Variants in TNFAIP8L3 observed in about 807,000 individuals in gnomAD.
The protein encoded by TNFAIP8L3 is tumor necrosis factor alpha-induced protein 8-like protein 3.
In TNFAIP8L3, 7 loss-of-function variants were observed where a neutral mutation model predicts 11.8. That is an observed-to-expected ratio of 0.59 (90% confidence interval 0.34 to 1.11). The LOEUF is 1.11. Among genes scored for constraint, TNFAIP8L3 ranks in the 50% most tolerant of loss-of-function variants. The pLI, the probability that TNFAIP8L3 is intolerant of heterozygous loss-of-function variation, is 0.03. For synonymous variants in TNFAIP8L3, 98 were observed against 103.8 expected, an observed-to-expected ratio of 0.94 and a Z score of 0.34; for missense variants, 219 against 258.6, an observed-to-expected ratio of 0.85 and a Z score of 1.05.
upstream of TNFAIP8L3, among the ~76,000 whole-genome samples, chr15:51,097,019 G>T (rs1474620493): frequency 6.6e-6 from 1 of 151,936 alleles, no homozygotes; most frequent in Non-Finnish European, 1.5e-5. Flanking sequence ...TCAGTTATAA[G>T]GTAAAACAAC....
rs371806523 is a variant in TNFAIP8L3 at position 51,058,241 on chromosome 15, C to T, written c.255G>A (p.Ala85=). The T allele has an allele frequency of 6.3e-5, 102 of 1,614,074 alleles. No homozygotes were observed. Among genetic ancestry groups the T allele is most frequent in the African/African-American group, 2.9e-4 (22 of 74,916 alleles). The change falls in exon 2 of 2, where the codon GCG becomes GCA. Residue 85 remains alanine (A), a synonymous_variant. Coordinates refer to ENST00000637513, the MANE Select transcript of TNFAIP8L3 (RefSeq NM_001311175.2). ...HKIMKDLIKV[A]IKIGILYRNN... ...TCCGGTAGAGGATCCCGATTTTGAT[C>T]GCCACCTTGATTAAGTCTTTCATGA...
At chr15:51,070,664 A>C (rs2065301656) in intron 1 of TNFAIP8L3, among the ~76,000 whole-genome samples, 1 of 152,208 alleles carries the variant, frequency 6.6e-6, no homozygotes, top group South Asian at 2.1e-4. Flanking sequence ...GCTGCGATGC[A>C]TGGGGTGACA....
At chr15:51,082,421 G>A (rs1363541445) in intron 1 of TNFAIP8L3, among the ~76,000 whole-genome samples, 1 of 152,194 alleles carries the variant, frequency 6.6e-6, no homozygotes, top group Non-Finnish European at 1.5e-5. Context: ...TTGCAGGACT[G>A]GAAGTTGTTC....
Position 51,104,497 on chromosome 15 carries a change from C to T in TNFAIP8L3, c.172+508G>A, listed in dbSNP as rs140011118. On this transcript the variant is annotated intron_variant, in intron 1 of 2. Coordinates refer to the TNFAIP8L3 transcript ENST00000327536. ...CATACCCAGCCATGTCCTGCATCTGCGCCATGTCAGTCTGTTTCTGCTCTC... is the reference window on the plus strand; with the variant it reads ...CATACCCAGCCATGTCCTGCATCTGTGCCATGTCAGTCTGTTTCTGCTCTC... Among the ~76,000 whole-genome samples, 802 of 152,322 alleles carry T rather than the reference C, an allele frequency of 5.3e-3. 7 individuals carry two copies. Among genetic ancestry groups the T allele is most frequent in the African/African-American group, 0.019 (774 of 41,570 alleles).
Position 51,058,322 on chromosome 15 carries a change from A to G in TNFAIP8L3, c.174T>C (p.Asp58=). 6.2e-7 allele frequency: 1 copy of G among 1,614,166 alleles called. No homozygotes were observed. The highest frequency in any genetic ancestry group is 8.5e-7 in the Non-Finnish European group (1 of 1,180,022). The change falls in exon 2 of 2, where the codon GAT becomes GAC. Residue 58 remains aspartate (D), a synonymous_variant. Coordinates refer to ENST00000637513, the MANE Select transcript of TNFAIP8L3 (RefSeq NM_001311175.2). ...GCTCTTTGGTGACTTTGTAGAGCTC[A>G]TCAAAGATCTCGCTGCTGGTGTCAT... ...LIDDTSSEIF[D]ELYKVTKEHT...
At chr15:51,062,240 C>T (rs1206671982) in intron 1 of TNFAIP8L3, among the ~76,000 whole-genome samples, 1 of 151,808 alleles carries the variant, frequency 6.6e-6, no homozygotes, top group Non-Finnish European at 1.5e-5. Context: ...TGCCACTGCA[C>T]TCCAGCCTGT....
intron 1 of TNFAIP8L3, among the ~76,000 whole-genome samples, chr15:51,078,444 C>G (rs549622766): frequency 6.6e-6 from 1 of 152,156 alleles, no homozygotes; most frequent in East Asian, 1.9e-4. Context: ...CCTAACCCCA[C>G]CTCTTCTGGC....
chr15:51,083,839 A>AG (rs912618439), intron 1 of TNFAIP8L3, among the ~76,000 whole-genome samples: 3 of 152,166 alleles, frequency 2.0e-5, no homozygotes, highest in Admixed American at 6.5e-5. Flanking sequence ...GGAGCCAGTG[A>AG]GGGGGGCCAC....
At chr15:51,070,635 C>T (rs998847497) in intron 1 of TNFAIP8L3, among the ~76,000 whole-genome samples, 2 of 152,180 alleles carry the variant, frequency 1.3e-5, no homozygotes, top group Admixed American at 1.3e-4. Context: ...GAGTTCAGTG[C>T]TTCAGCCTGC....
chr15:51,081,797 G>A (rs1464208658), intron 1 of TNFAIP8L3, among the ~76,000 whole-genome samples: 4 of 152,200 alleles, frequency 2.6e-5, no homozygotes, highest in Non-Finnish European at 5.9e-5. Context: ...GTTGGTAGCA[G>A]CCCTTGTGCT....
intron 1 of TNFAIP8L3, among the ~76,000 whole-genome samples, chr15:51,058,866 G>T (rs1416286751): frequency 6.6e-6 from 1 of 152,208 alleles, no homozygotes; most frequent in Admixed American, 6.5e-5. Context: ...TAGCCCCATT[G>T]TCAACCCCAT....
At chr15:51,068,870 G>T (rs2065289674) in intron 1 of TNFAIP8L3, among the ~76,000 whole-genome samples, 1 of 151,990 alleles carries the variant, frequency 6.6e-6, no homozygotes, top group African/African-American at 2.4e-5. Flanking sequence ...GTTTCACCAG[G>T]TTGGCCAGGT....
chr15:51,079,505 T>C (rs1031847671), intron 1 of TNFAIP8L3, among the ~76,000 whole-genome samples: 17 of 152,170 alleles, frequency 1.1e-4, no homozygotes, highest in African/African-American at 3.9e-4. Context: ...TGACATTTTA[T>C]TGAAATGCAT....
intron 1 of TNFAIP8L3, among the ~76,000 whole-genome samples, chr15:51,075,646 A>G (rs2065344574): frequency 6.6e-6 from 1 of 152,246 alleles, no homozygotes; most frequent in African/African-American, 2.4e-5. Flanking sequence ...GGAGCATGCC[A>G]ACACCGTAAT....
upstream of TNFAIP8L3, among the ~76,000 whole-genome samples, chr15:51,099,427 G>A (rs559457474): frequency 6.6e-6 from 1 of 152,220 alleles, no homozygotes; most frequent in African/African-American, 2.4e-5. Context: ...GATACAAAGG[G>A]AGAGGGAAAT....
At chr15:51,080,711 G>A (rs1337424261) in intron 1 of TNFAIP8L3, among the ~76,000 whole-genome samples, 1 of 152,264 alleles carries the variant, frequency 6.6e-6, no homozygotes, top group Non-Finnish European at 1.5e-5. Context: ...AAATAACCAT[G>A]TAAAGTGTAA....
intron 1 of TNFAIP8L3, among the ~76,000 whole-genome samples, chr15:51,066,163 C>A (rs1342385723): frequency 1.1e-5 from 1 of 93,664 alleles, no homozygotes; most frequent in Non-Finnish European, 2.1e-5. Context: ...AACTTTCTTT[C>A]CTTTTTTTTT....
chr15:51,082,218 A>G (rs2065397659), intron 1 of TNFAIP8L3, among the ~76,000 whole-genome samples: 1 of 152,184 alleles, frequency 6.6e-6, no homozygotes, highest in Non-Finnish European at 1.5e-5. Flanking sequence ...CAAGCCCACT[A>G]CCACCTAGGC....
At chr15:51,083,326 T>C (rs1595615277) in intron 1 of TNFAIP8L3, among the ~76,000 whole-genome samples, 2 of 152,182 alleles carry the variant, frequency 1.3e-5, no homozygotes, top group East Asian at 3.8e-4. Context: ...GGCAGACCAA[T>C]ACCTCCTAAA....
Sources: gnomAD v4.1 joint callset for allele counts (sites outside exome capture counted in the v4.1 genomes callset) on GRCh38, gnomAD v4.1.1 for gene constraint, MANE v1.5 for transcripts, NCBI Gene and HGNC (gene_info 2026-07-23, HGNC 2026-07-21) for gene names.